The following ATP1A1 variants were observed in gnomAD, a reference collection of about 807,000 sequenced individuals.
The protein encoded by ATP1A1 is ATPase Na+/K+ transporting subunit alpha 1.
Under a neutral mutation model 114.8 loss-of-function variants are expected in ATP1A1, and 14 were observed. The ratio of observed to expected loss-of-function variants is 0.12; its 90% CI spans 0.08 to 0.19. The LOEUF is 0.19. Ranked by LOEUF, ATP1A1 falls within the 10% of genes least tolerant of loss-of-function variation. The pLI, the probability that ATP1A1 is intolerant of heterozygous loss-of-function variation, is 1.00. For missense variants in ATP1A1, 524 were observed against 1,290.7 expected (o/e 0.41, Z 9.10); for synonymous variants, 471 against 466.3 (o/e 1.01, Z -0.13).
chr1:116,380,748 A>G lies in ATP1A1; in HGVS notation c.13-3266A>G, dbSNP rs1651691793. Among the ~76,000 whole-genome samples, 2 of 152,100 alleles carry G rather than the reference A, an allele frequency of 1.3e-5. 1 individual carries two copies. The highest frequency in any genetic ancestry group is 1.3e-4 in the Admixed American group (2 of 15,258). Reference sequence around the variant, plus strand: ...CTCCTGTCAAGAATTTTATCTTCTCATGTCTTGGGCACCTTTTCCCTCTAC... The same window carrying G: ...CTCCTGTCAAGAATTTTATCTTCTCGTGTCTTGGGCACCTTTTCCCTCTAC... On this transcript the variant is annotated intron_variant, in intron 1 of 22. Coordinates refer to ENST00000295598, the MANE Select transcript of ATP1A1 (RefSeq NM_000701.8).
At position 116,381,722 on chromosome 1, in the gene ATP1A1, C is replaced by T. The variant is rs1175464466; in HGVS notation, c.13-2292C>T. Reference sequence around the variant, plus strand: ...GGAACGTGTTCAAAGCCTAGCTGCTCTAGTAATCCTCTCTCCTCTTCTGGA... The same window carrying T: ...GGAACGTGTTCAAAGCCTAGCTGCTTTAGTAATCCTCTCTCCTCTTCTGGA... On this transcript the variant is annotated intron_variant, in intron 1 of 22. Coordinates refer to ENST00000295598, the MANE Select transcript of ATP1A1 (RefSeq NM_000701.8). The surrounding 1 kb of genome is among the most constrained non-coding windows in gnomAD (Gnocchi z 5.1). 6.6e-6 allele frequency among the ~76,000 whole-genome samples: 1 copy of T among 152,186 alleles called. No individual in the cohort carries two copies. The highest frequency in any genetic ancestry group is 1.5e-5 in the Non-Finnish European group (1 of 68,040).
In ATP1A1 at chr1:116,404,348, C is replaced by G. The variant is rs1445388376; in HGVS notation, c.3044-68C>G. The stretch of plus-strand genomic sequence containing the variant: ...CTCCGGTTGGTTTTCATCCCTGTTT[C>G]CCTCTGTAATGCTGGAGCGAGGAAG... On this transcript the variant is annotated intron_variant, in intron 22 of 22. Coordinates refer to ENST00000295598, the MANE Select transcript of ATP1A1 (RefSeq NM_000701.8). This position sits in a 1 kb window ranked among gnomAD's most constrained non-coding sequence, Gnocchi z 4.8. The G allele has an allele frequency of 1.2e-6, 2 of 1,602,472 alleles. No individual in the cohort carries two copies. Among genetic ancestry groups the G allele is most frequent in the African/African-American group, 2.7e-5 (2 of 74,612 alleles).
chr1:116,400,102 C>T (rs979741796), intron 18 of ATP1A1, among the ~76,000 whole-genome samples: 26 of 152,244 alleles, frequency 1.7e-4, no homozygotes, highest in African/African-American at 6.3e-4. Flanking sequence ...TTTAAATCCT[C>T]TGCCTAGGGT....
In ATP1A1 at chr1:116,396,663, C is replaced by T; in HGVS notation, c.1902C>T (p.Ile634=). 1 of 1,612,854 alleles carries T rather than the reference C, an allele frequency of 6.2e-7. No homozygotes were observed. The highest frequency in any genetic ancestry group is 8.5e-7 in the Non-Finnish European group (1 of 1,179,368). Residue 634 remains isoleucine, a synonymous_variant, in exon 14 of 23, where the codon ATC becomes ATT. Coordinates refer to ENST00000295598, the MANE Select transcript of ATP1A1 (RefSeq NM_000701.8). The part of the protein sequence containing the change: ...AKAIAKGVGI[I]SEGNETVEDI... Reference sequence around the variant, plus strand: ...CTATTGCCAAAGGTGTGGGCATCATCTCAGAAGGCAATGAGACCGTGGAAG... The same window carrying T: ...CTATTGCCAAAGGTGTGGGCATCATTTCAGAAGGCAATGAGACCGTGGAAG...
Position 116,404,026 on chromosome 1 carries a change from A to G in ATP1A1, c.3043+51A>G. 1 of 1,557,360 alleles carries G rather than the reference A, an allele frequency of 6.4e-7. No individual in the cohort carries two copies. Among genetic ancestry groups the G allele is most frequent in the Non-Finnish European group, 8.8e-7 (1 of 1,133,752 alleles). ...TTGGAGGAGGAGTGGGAGGGGCTAT[A>G]GTTCTATTGGTTTTTTGTTTCCCTC... On this transcript the variant is annotated intron_variant, in intron 22 of 22. Coordinates refer to ENST00000295598, the MANE Select transcript of ATP1A1 (RefSeq NM_000701.8). This position sits in a 1 kb window ranked among gnomAD's most constrained non-coding sequence, Gnocchi z 4.8.
At position 116,387,209 on chromosome 1, in the gene ATP1A1, A is replaced by C; in HGVS notation, c.184-79A>C. 1 of 1,521,962 alleles carries C rather than the reference A, an allele frequency of 6.6e-7. No homozygotes were observed. Among genetic ancestry groups the C allele is most frequent in the South Asian group, 1.2e-5 (1 of 86,244 alleles). The allele number at this position is 1,521,962 out of a possible 1,614,324, so 94.3% of individuals were successfully genotyped here. On this transcript the variant is annotated intron_variant, in intron 3 of 22. Coordinates refer to ENST00000295598, the MANE Select transcript of ATP1A1 (RefSeq NM_000701.8). This position sits in a 1 kb window ranked among gnomAD's most constrained non-coding sequence, Gnocchi z 6.7. ...GTTTCTTCCTTAAATCCTTATTGCA[A>C]CCGTCCAGCTACCAGGTAGGTATAT... is the stretch of plus-strand genomic sequence containing the variant.
chr1:116,398,149 A>T lies in ATP1A1; in HGVS notation c.2124+111A>T. 2.1e-6 allele frequency: 3 copies of T among 1,436,394 alleles called. No homozygotes were observed. The South Asian group carries it at 4.0e-5, about 19-fold the overall frequency. 89.0% of individuals were successfully genotyped at this position (1,436,394 alleles called of 1,614,324 possible). ...ATGGATGCATACCTCGCTGTATTAG[A>T]CTCAGTATAAATAGGCCAGTAGGAA... is the stretch of plus-strand genomic sequence containing the variant. On this transcript the variant is annotated intron_variant, in intron 15 of 22. Coordinates refer to ENST00000295598, the MANE Select transcript of ATP1A1 (RefSeq NM_000701.8). The surrounding 1 kb of genome is among the most constrained non-coding windows in gnomAD (Gnocchi z 6.1).
intron 1 of ATP1A1, 115 bp downstream of exon 1, chr1:116,373,638 G>C: frequency 8.4e-7 from 1 of 1,196,406 alleles, no homozygotes; most frequent in Non-Finnish European, 1.1e-6. Flanking sequence ...GCGGCGCCGC[G>C]TGGAGTGGGC....
intron 9 of ATP1A1, 36 bp from the exon 10 acceptor site, chr1:116,390,746 C>A: frequency 6.6e-7 from 1 of 1,520,302 alleles, no homozygotes; most frequent in Non-Finnish European, 9.1e-7. Flanking sequence ...GAAGTTAATG[C>A]ATTGTTGTTC....
intron 8 of ATP1A1, 114 bp from the exon 9 acceptor site, chr1:116,390,099 A>C: frequency 1.9e-6 from 2 of 1,080,568 alleles, no homozygotes; most frequent in South Asian, 3.1e-5. Flanking sequence ...ACTTCAGAAG[A>C]AGGTTGGAGA....
intron 1 of ATP1A1, chr1:116,373,751 T>G: frequency 1.3e-6 from 1 of 775,238 alleles, no homozygotes. Context: ...AGCGCGGCAT[T>G]GCTTAGGGGG....
rs1305327052 is a variant in ATP1A1 at position 116,404,449 on chromosome 1, C to T, written c.*5C>T. On this transcript the variant is annotated 3_prime_UTR_variant, in exon 23 of 23. Coordinates refer to ENST00000295598, the MANE Select transcript of ATP1A1 (RefSeq NM_000701.8). This position sits in a 1 kb window ranked among gnomAD's most constrained non-coding sequence, Gnocchi z 4.8. ...GAGAAGGAAACCTACTATTAGCCCC[C>T]CGTCCTGCACGCCGTGGAGCATCAG... 2 of 1,609,726 alleles carry T rather than the reference C, an allele frequency of 1.2e-6. No individual in the cohort carries two copies. Among genetic ancestry groups the T allele is most frequent in the African/African-American group, 1.3e-5 (1 of 74,582 alleles).
rs550790170 is a variant in ATP1A1 at position 116,389,772 on chromosome 1, A to G, written c.1023+65A>G. The G allele has an allele frequency of 5.6e-5, 89 of 1,593,042 alleles. 1 individual carries two copies. The South Asian group carries it at 8.2e-4, about 15-fold the overall frequency. ...TGCACGAATGTTACACTCTTCCGCT[A>G]TCCTATTCTAAGGTATTGCCAACTT... On this transcript the variant is annotated intron_variant, in intron 8 of 22. Transcript: ENST00000295598. This position sits in a 1 kb window ranked among gnomAD's most constrained non-coding sequence, Gnocchi z 6.9.
At chr1:116,396,131 A>G (rs539515371) in intron 13 of ATP1A1, among the ~76,000 whole-genome samples, 8 of 152,300 alleles carry the variant, frequency 5.3e-5, no homozygotes, top group African/African-American at 1.9e-4. Flanking sequence ...TTTTTAAAGT[A>G]TATTCTAAGT....
At chr1:116,396,905 G>C (rs948657081) in intron 14 of ATP1A1, among the ~76,000 whole-genome samples, 171 bp downstream of exon 14, 1 of 152,226 alleles carries the variant, frequency 6.6e-6, no homozygotes, top group African/African-American at 2.4e-5. Context: ...TTAAGTAAGA[G>C]CAAGTCATAA....
At position 116,400,967 on chromosome 1, in the gene ATP1A1, C is replaced by T. The variant is rs1557794260; in HGVS notation, c.2679C>T (p.Arg893=). 2 of 1,614,194 alleles carry T rather than the reference C, an allele frequency of 1.2e-6. No individual in the cohort carries two copies. The highest frequency in any genetic ancestry group is 2.2e-5 in the East Asian group (1 of 44,882). ...GCCTCCGAGTGGACTGGGATGACCGCTGGATCAACGATGTGGAAGACAGCT... is the reference window on the plus strand; with the variant it reads ...GCCTCCGAGTGGACTGGGATGACCGTTGGATCAACGATGTGGAAGACAGCT... ...LLGLRVDWDD[R]WINDVEDSYG... The change falls in exon 19 of 23, where the codon CGC becomes CGT. Residue 893 remains arginine (R), a synonymous_variant. Coordinates refer to ENST00000295598, the MANE Select transcript of ATP1A1 (RefSeq NM_000701.8).
At chr1:116,375,701 G>A (rs957613224) in intron 1 of ATP1A1, among the ~76,000 whole-genome samples, 3 of 152,166 alleles carry the variant, frequency 2.0e-5, no homozygotes, top group African/African-American at 7.2e-5. Flanking sequence ...TATTGTGAGC[G>A]TCCAAATGTT....
chr1:116,382,275 G>GTATGATATACCTTTAATTAAAGC (rs1651794034), intron 1 of ATP1A1: 1 of 152,156 alleles, frequency 6.6e-6, no homozygotes, highest in Non-Finnish European at 1.5e-5. Flanking sequence ...CTCATTAAAG[G>GTATGATATACCTTTAATTAAAGC]TATGATATAC....
intron 1 of ATP1A1, among the ~76,000 whole-genome samples, chr1:116,377,228 G>A (rs1325225772): frequency 1.3e-5 from 2 of 152,208 alleles, no homozygotes; most frequent in South Asian, 2.1e-4. Context: ...TCATCCTGGG[G>A]ATCAAGTGAA....
Sources: allele counts gnomAD v4.1 joint callset (sites outside exome capture counted in the v4.1 genomes callset), GRCh38; gene constraint gnomAD v4.1.1; non-coding constraint Gnocchi (gnomAD v3.1); transcripts MANE v1.5; gene names NCBI Gene and HGNC (gene_info 2026-07-23, HGNC 2026-07-21).